Variants in VPS54 observed in about 807,000 individuals in gnomAD.
The protein encoded by VPS54 is vacuolar protein sorting-associated protein 54.
VPS54 carries 45 observed loss-of-function variants against 121.5 expected under a neutral mutation model. The observed-to-expected ratio is 0.37, with a 90% confidence interval of 0.29 to 0.47. The LOEUF (loss-of-function observed/expected upper bound fraction) is 0.47. Among genes scored for constraint, VPS54 ranks in the 20% least tolerant of loss-of-function variants. The pLI is 0.99. For missense variants in VPS54, 1,090 were observed against 1,131.4 expected, an observed-to-expected ratio of 0.96 and a Z score of 0.52; for synonymous variants, 371 against 385.8, an observed-to-expected ratio of 0.96 and a Z score of 0.45.
intron 3 of VPS54, 39 bp downstream of exon 3, chr2:63,981,607 C>G: frequency 2.6e-6 from 4 of 1,520,994 alleles, no homozygotes; most frequent in Non-Finnish European, 3.5e-6. Context: ...ATTTCTATTA[C>G]TTTTGACCTG....
At chr2:63,978,864 CCCA>C (rs2104606526) in intron 3 of VPS54, among the ~76,000 whole-genome samples, 1 of 152,284 alleles carries the variant, frequency 6.6e-6, no homozygotes, top group East Asian at 1.9e-4. Context: ...AGGTGATCTG[CCCA>C]CCATGGCCTC....
At chr2:63,988,401 A>G (rs1350044554) in intron 1 of VPS54, among the ~76,000 whole-genome samples, 1 of 152,226 alleles carries the variant, frequency 6.6e-6, no homozygotes, top group East Asian at 1.9e-4. Flanking sequence ...TTGGTTTGCT[A>G]GTATTTTTAT....
At chr2:63,899,436 TTA>T in intron 21 of VPS54, 36 bp downstream of exon 21, 1 of 1,565,436 alleles carries the variant, frequency 6.4e-7, no homozygotes, top group Non-Finnish European at 8.8e-7. Flanking sequence ...ATATTGTATG[TTA>T]TATATACATG....
intron 12 of VPS54, among the ~76,000 whole-genome samples, chr2:63,925,495 C>T (rs191271629): frequency 6.6e-6 from 1 of 152,212 alleles, no homozygotes; most frequent in Non-Finnish European, 1.5e-5. Context: ...CATTCACATA[C>T]TTTGTTTCCA....
rs182165174 is a variant in VPS54 at position 63,912,524 on chromosome 2, A to T, written c.2544+16T>A. ...TAAACTTATGAAACGCCAATAGAAA[A>T]TATATGAAAAAGTACCTTAGTGATA... is the stretch of plus-strand genomic sequence containing the variant. On this transcript the variant is annotated intron_variant, in intron 19 of 22. Transcript: ENST00000272322. 2,223 of 1,612,170 alleles carry T rather than the reference A, an allele frequency of 1.4e-3. 7 individuals carry two copies. The highest frequency in any genetic ancestry group is 3.8e-3 in the Middle Eastern group (23 of 6,052).
rs1673629140 is a variant in VPS54, at chr2:63,921,220, T to A, written c.1855A>T (p.Met619Leu). 1.9e-6 allele frequency: 3 copies of A among 1,607,708 alleles called. No individual in the cohort carries two copies. Among genetic ancestry groups the A allele is most frequent in the Non-Finnish European group, 2.5e-6 (3 of 1,176,494 alleles). The change falls in exon 13 of 23, where the codon ATG becomes TTG. Residue 619 changes from methionine (M) to leucine (L), a missense_variant. Physicochemically the swap from Met to Leu is conservative, Grantham distance 15. Coordinates refer to ENST00000272322, the MANE Select transcript of VPS54 (RefSeq NM_016516.3). ...ICHDRAVKFL[M>L]SRAKDGFLEK... is the part of the protein sequence containing the mutation. ...AAAATAGCTACCTTTGCTCTTGACA[T>A]GAGAAATTTGACAGCTCGATCATGG...
chr2:63,933,733 T>C lies in VPS54; in HGVS notation c.1679A>G (p.Asp560Gly). The stretch of plus-strand genomic sequence containing the variant: ...TGTGTGCTCTTTGCTGGATGAAGAA[T>C]CAGTAGTACATTCTGGCTCGGATAC... ...DSVSEPECTT[D>G]SSSSKEHTSS... The change falls in exon 12 of 23, where the codon GAT becomes GGT. Residue 560 changes from aspartate (D) to glycine (G), a missense_variant. Around this residue, in one of 2 missense-constraint regions of VPS54, gnomAD observed 801 missense variants for 757.0 expected, o/e 1.06. Coordinates refer to ENST00000272322, the MANE Select transcript of VPS54 (RefSeq NM_016516.3). 3 of 1,613,840 alleles carry C rather than the reference T, an allele frequency of 1.9e-6. No individual in the cohort carries two copies. Among genetic ancestry groups the C allele is most frequent in the Non-Finnish European group, 8.5e-7 (1 of 1,179,810 alleles).
intron 15 of VPS54, among the ~76,000 whole-genome samples, chr2:63,917,831 C>A (rs892894562): frequency 3.9e-5 from 6 of 152,022 alleles, no homozygotes; most frequent in African/African-American, 1.4e-4. Flanking sequence ...AGCTCTACCA[C>A]TTCCTAGCTA....
intron 7 of VPS54, among the ~76,000 whole-genome samples, chr2:63,954,580 A>G (rs1289372392): frequency 6.6e-6 from 1 of 152,146 alleles, no homozygotes; most frequent in Non-Finnish European, 1.5e-5. Context: ...GGATAGAATT[A>G]GAGTATCATA....
At chr2:63,900,399 TAG>T (rs1468099618) in intron 20 of VPS54, among the ~76,000 whole-genome samples, 10 of 152,176 alleles carry the variant, frequency 6.6e-5, no homozygotes. Context: ...AATTTAAACT[TAG>T]GTAAATTCAT....
At chr2:63,957,877 A>T (rs1385619330) in intron 7 of VPS54, among the ~76,000 whole-genome samples, 1 of 152,226 alleles carries the variant, frequency 6.6e-6, no homozygotes, top group Non-Finnish European at 1.5e-5. Context: ...CACATGCTCA[A>T]GCCTTAACCT....
At chr2:63,951,379 G>T (rs1449954138) in intron 7 of VPS54, among the ~76,000 whole-genome samples, 1 of 151,774 alleles carries the variant, frequency 6.6e-6, no homozygotes, top group African/African-American at 2.4e-5. Context: ...TGTTATTTAA[G>T]GTGTATAGTA....
At chr2:63,951,609 C>A (rs1479012763) in intron 7 of VPS54, among the ~76,000 whole-genome samples, 1 of 152,036 alleles carries the variant, frequency 6.6e-6, no homozygotes, top group African/African-American at 2.4e-5. Context: ...TGAGTGGGGC[C>A]ATATACAGTC....
chr2:63,953,827 T>C (rs1675371226), intron 7 of VPS54, among the ~76,000 whole-genome samples: 1 of 152,162 alleles, frequency 6.6e-6, no homozygotes, highest in Admixed American at 6.5e-5. Context: ...GGTTTTCACT[T>C]CTTCAATCTT....
At chr2:64,018,444 T>A (rs1227391955) in intron 1 of VPS54, among the ~76,000 whole-genome samples, 1 of 151,988 alleles carries the variant, frequency 6.6e-6, no homozygotes, top group Non-Finnish European at 1.5e-5. Flanking sequence ...CTGAAGAAAA[T>A]TATTGCACAA....
At chr2:63,961,861 T>C (rs1020942270) in intron 7 of VPS54, among the ~76,000 whole-genome samples, 197 bp downstream of exon 7, 4 of 152,204 alleles carry the variant, frequency 2.6e-5, no homozygotes, top group South Asian at 2.1e-4. Context: ...TCCAAATGTC[T>C]CTGAAAATAT....
At chr2:63,993,109 C>T (rs775156916) in intron 1 of VPS54, among the ~76,000 whole-genome samples, 3 of 152,128 alleles carry the variant, frequency 2.0e-5, no homozygotes, top group South Asian at 2.1e-4. Flanking sequence ...GATTACACAT[C>T]GCTCAGGACA....
chr2:63,896,072 ATTATC>A (rs1362522030), intron 22 of VPS54, among the ~76,000 whole-genome samples: 1 of 152,182 alleles, frequency 6.6e-6, no homozygotes, highest in Non-Finnish European at 1.5e-5. Context: ...CTAATATGCT[ATTATC>A]TTTTCAGGAG....
Position 63,983,905 on chromosome 2 carries a change from G to A in VPS54, c.95C>T (p.Pro32Leu), listed in dbSNP as rs776984351. ...IEVDPSKHIR[P>L]VPSLPDVCPK... ...ACACACATCTGGCAGTGATGGCACA[G>A]GTCGAATGTGTTTTGACGGATCTAC... Residue 32 changes from proline to leucine, a missense_variant, in exon 2 of 23, where the codon CCT (proline) becomes CTT (leucine). Physicochemically the swap from Pro to Leu is moderately conservative, Grantham distance 98 (BLOSUM62 -3). Around this residue, in one of 2 missense-constraint regions of VPS54, gnomAD observed 801 missense variants for 757.0 expected, o/e 1.06. Transcript: ENST00000272322. 1.2e-6 allele frequency: 2 copies of A among 1,613,194 alleles called. No individual in the cohort carries two copies. The highest frequency in any genetic ancestry group is 1.7e-6 in the Non-Finnish European group (2 of 1,179,718).
Sources: allele counts gnomAD v4.1 joint callset (sites outside exome capture counted in the v4.1 genomes callset), GRCh38; gene constraint gnomAD v4.1.1; regional missense constraint gnomAD v4.1.1; transcripts MANE v1.5; gene names NCBI Gene and HGNC (gene_info 2026-07-23, HGNC 2026-07-21).